The following LARGE1 variants were observed in gnomAD, a reference collection of about 807,000 sequenced individuals.
LARGE1 encodes the protein xylosyl- and glucuronyltransferase LARGE1.
Under a neutral mutation model 87.6 loss-of-function variants are expected in LARGE1, and 43 were observed. The observed-to-expected ratio is 0.49, with a 90% confidence interval of 0.38 to 0.63. LARGE1 has a LOEUF of 0.63. LARGE1 is among the 30% of genes least tolerant of loss of function. The probability of loss-of-function intolerance (pLI) is 0.00; values close to 1 mark genes in which losing one functional copy is unlikely to be tolerated. For missense variants in LARGE1, 802 were observed against 1,000.2 expected, an observed-to-expected ratio of 0.80 and a Z score of 2.67; for synonymous variants, 434 against 394.6, an observed-to-expected ratio of 1.10 and a Z score of -1.18.
intron 2 of LARGE1, among the ~76,000 whole-genome samples, chr22:33,718,866 C>T (rs992651106): frequency 9.8e-5 from 15 of 152,326 alleles, no homozygotes; most frequent in South Asian, 2.1e-4. Flanking sequence ...TCTTGGCTCA[C>T]GGCAACCTCC....
intron 1 of LARGE1, among the ~76,000 whole-genome samples, chr22:33,860,734 C>CG (rs1466916634): frequency 6.6e-6 from 1 of 152,202 alleles, no homozygotes; most frequent in Non-Finnish European, 1.5e-5. Flanking sequence ...CAGGGCAAAG[C>CG]GGGGGCAAGA....
intron 7 of LARGE1, among the ~76,000 whole-genome samples, chr22:33,387,775 G>A (rs1041123860): frequency 1.3e-5 from 2 of 152,158 alleles, no homozygotes; most frequent in African/African-American, 2.4e-5. Context: ...TTTCTTTTGC[G>A]TGACTTTAAT....
chr22:33,715,808 C>G (rs901655173), intron 2 of LARGE1, among the ~76,000 whole-genome samples: 4 of 152,210 alleles, frequency 2.6e-5, no homozygotes, highest in Admixed American at 6.5e-5. Flanking sequence ...AAAGTTGTCA[C>G]GCTCACAGGA....
At chr22:33,440,756 G>A (rs2067436613) in intron 6 of LARGE1, among the ~76,000 whole-genome samples, 1 of 152,148 alleles carries the variant, frequency 6.6e-6, no homozygotes, top group African/African-American at 2.4e-5. Flanking sequence ...CACACAGAAC[G>A]ATATTTAAAC....
rs34470280 is a variant in LARGE1 at position 33,662,076 on chromosome 22, CAAAAAAAAAAAAAA to C, written c.107-11422_107-11409del. 1.3e-4 allele frequency among the ~76,000 whole-genome samples: 7 copies of C among 54,908 alleles called. 1 individual carries two copies. The Admixed American group carries it at 1.6e-3, about 12-fold the overall frequency. The allele number at this position is 54,908 out of a possible 152,430, so 36.0% of individuals were successfully genotyped here. On this transcript the variant is annotated intron_variant, in intron 2 of 14. Coordinates refer to ENST00000397394, the MANE Select transcript of LARGE1 (RefSeq NM_133642.5). ...CTAACACTAAGGACAGCTTAGGAGC[CAAAAAAAAAAAAAA>C]AAAAAAAAAGGAAAAGAATCTCATA... is the stretch of plus-strand genomic sequence containing the variant.
the LARGE1 span, among the ~76,000 whole-genome samples, chr22:33,077,269 T>C: frequency 2.0e-4 from 30 of 152,308 alleles, no homozygotes; most frequent in African/African-American, 7.0e-4. Flanking sequence ...TTACTTACAA[T>C]AGTACATGAT....
intron 6 of LARGE1, among the ~76,000 whole-genome samples, chr22:33,463,045 A>G (rs1318544071): frequency 1.3e-5 from 2 of 152,170 alleles, no homozygotes; most frequent in Non-Finnish European, 2.9e-5. Context: ...AATGAGAAAT[A>G]AAAATCTACA....
chr22:33,822,083 A>G (rs371506369), intron 1 of LARGE1, among the ~76,000 whole-genome samples: 3 of 151,724 alleles, frequency 2.0e-5, no homozygotes, highest in East Asian at 3.9e-4. Context: ...GATCCCGGTT[A>G]ATTATGTATT....
At chr22:33,161,542 G>A (rs1922023715), downstream of LARGE1, among the ~76,000 whole-genome samples, 1 of 152,154 alleles carries the variant, frequency 6.6e-6, no homozygotes, top group South Asian at 2.1e-4. Flanking sequence ...CAAGAATTGG[G>A]TAAATACATC....
intron 7 of LARGE1, among the ~76,000 whole-genome samples, chr22:33,393,464 T>C (rs2065603702): frequency 6.6e-6 from 1 of 152,230 alleles, no homozygotes; most frequent in African/African-American, 2.4e-5. Flanking sequence ...GTGTGCAAAG[T>C]AGAAAGAGGA....
intron 6 of LARGE1, among the ~76,000 whole-genome samples, chr22:33,549,997 A>G (rs925288669): frequency 4.6e-5 from 7 of 152,076 alleles, no homozygotes; most frequent in African/African-American, 1.5e-4. Context: ...TCCAGTCCAC[A>G]GGGTCAGGGG....
chr22:33,506,364 C>T (rs75126474), intron 6 of LARGE1, among the ~76,000 whole-genome samples: 3,443 of 152,200 alleles, frequency 0.023, 65 homozygotes, highest in South Asian at 0.077. Context: ...CACAGATGAG[C>T]GCCCCCAGAG....
intron 11 of LARGE1, among the ~76,000 whole-genome samples, chr22:33,265,694 A>ACC (rs142072574): frequency 2.0e-5 from 3 of 151,986 alleles, no homozygotes; most frequent in African/African-American, 7.3e-5. Flanking sequence ...CAGCTGTTGG[A>ACC]CCCCCAGCAA....
At position 33,449,584 on chromosome 22, in the gene LARGE1, A is replaced by G. The variant is rs540245571; in HGVS notation, c.788-17319T>C. Among the ~76,000 whole-genome samples the G allele has an allele frequency of 4.9e-4, 74 of 152,334 alleles. 1 individual carries two copies. In the South Asian group the frequency reaches 0.011, roughly 23 times the overall value. On this transcript the variant is annotated intron_variant, in intron 6 of 14. Transcript: ENST00000397394. ...AACCGCATTTCACTCACAAGACAAGATGCTCCGTCTATGGTGAGATTCACA... is the reference window on the plus strand; with the variant it reads ...AACCGCATTTCACTCACAAGACAAGGTGCTCCGTCTATGGTGAGATTCACA...
At chr22:33,470,544 C>G (rs965647366) in intron 6 of LARGE1, among the ~76,000 whole-genome samples, 1 of 152,194 alleles carries the variant, frequency 6.6e-6, no homozygotes, top group Admixed American at 6.5e-5. Flanking sequence ...CAAAACACAC[C>G]AGTGCATGCT....
At chr22:33,296,052 T>C (rs1441955676) in intron 12 of LARGE1, among the ~76,000 whole-genome samples, 1 of 152,254 alleles carries the variant, frequency 6.6e-6, no homozygotes, top group African/African-American at 2.4e-5. Context: ...AGAGACTCTG[T>C]CTCCACCATC....
chr22:33,382,102 T>G, intron 8 of LARGE1, 58 bp from the exon 9 acceptor site: 2 of 1,609,572 alleles, frequency 1.2e-6, no homozygotes, highest in Non-Finnish European at 1.7e-6. Flanking sequence ...GCTGCCCATT[T>G]TGGCTCTCAA....
intron 2 of LARGE1, among the ~76,000 whole-genome samples, chr22:33,696,844 A>C (rs1181161236): frequency 6.6e-6 from 1 of 152,126 alleles, no homozygotes; most frequent in Non-Finnish European, 1.5e-5. Context: ...TCTAGGTATT[A>C]TATTACATAT....
chr22:33,516,128 T>C (rs1023690278), intron 6 of LARGE1, among the ~76,000 whole-genome samples: 3 of 152,196 alleles, frequency 2.0e-5, no homozygotes, highest in Non-Finnish European at 2.9e-5. Flanking sequence ...AGAAGACTGA[T>C]GGCGGAGGCC....
Sources: gnomAD v4.1 joint callset for allele counts (sites outside exome capture counted in the v4.1 genomes callset) on GRCh38, gnomAD v4.1.1 for gene constraint, MANE v1.5 for transcripts, NCBI Gene and HGNC (gene_info 2026-07-23, HGNC 2026-07-21) for gene names.